The following XKR3 variants were observed in gnomAD, a reference collection of about 807,000 sequenced individuals.
XKR3 encodes the protein XK-related protein 3.
A neutral mutation model predicts 40.3 loss-of-function variants in XKR3; 27 were observed. The ratio of observed to expected loss-of-function variants is 0.67; its 90% CI spans 0.49 to 0.92. The LOEUF (loss-of-function observed/expected upper bound fraction) is 0.92. Among genes scored for constraint, XKR3 ranks in the 40% least tolerant of loss-of-function variants. The pLI, the probability that XKR3 is intolerant of heterozygous loss-of-function variation, is 0.00. For missense variants in XKR3, 472 were observed against 537.6 expected (o/e 0.88, Z 1.21); for synonymous variants, 193 against 195.4 (o/e 0.99, Z 0.10).
chr22:16,798,585 A>G (rs140862827), intron 3 of XKR3, among the ~76,000 whole-genome samples: 54 of 152,326 alleles, frequency 3.5e-4, no homozygotes, highest in African/African-American at 1.2e-3. Context: ...GTGCCCATCA[A>G]TGGTACACTG....
At chr22:16,792,057 T>C (rs2060122312) in intron 3 of XKR3, among the ~76,000 whole-genome samples, 1 of 152,106 alleles carries the variant, frequency 6.6e-6, no homozygotes, top group South Asian at 2.1e-4. Context: ...TTCTCTTGCC[T>C]CAGCCTACCG....
intron 1 of XKR3, among the ~76,000 whole-genome samples, chr22:16,811,893 C>CA (rs1287864308): frequency 6.6e-6 from 1 of 152,004 alleles, no homozygotes; most frequent in Non-Finnish European, 1.5e-5. Context: ...CCTGTAGTTC[C>CA]AACTACTCAG....
At chr22:16,810,595 C>T (rs1273397850) in intron 1 of XKR3, among the ~76,000 whole-genome samples, 1 of 152,026 alleles carries the variant, frequency 6.6e-6, no homozygotes, top group Non-Finnish European at 1.5e-5. Flanking sequence ...GTAAAAGTAA[C>T]CATTTTAAAG....
At chr22:16,804,597 C>T (rs1267527611) in intron 2 of XKR3, among the ~76,000 whole-genome samples, 6 of 152,162 alleles carry the variant, frequency 3.9e-5, no homozygotes, top group Non-Finnish European at 7.4e-5. Flanking sequence ...CATGTATTCT[C>T]TAAGGGCAGA....
rs190106098 is a variant in XKR3, at chr22:16,806,870, T to A, written c.335+869A>T. ...ATCCTAAAAAATATAAAAACTTCAA[T>A]AAAGAAAACACACCAAAAAAAACCA... On this transcript the variant is annotated intron_variant, in intron 2 of 3. Transcript: ENST00000684488. Among the ~76,000 whole-genome samples, 49 of 152,210 alleles carry A rather than the reference T, an allele frequency of 3.2e-4. No individual in the cohort carries two copies. The Middle Eastern group carries it at 0.01, about 32-fold the overall frequency.
intron 1 of XKR3, among the ~76,000 whole-genome samples, chr22:16,813,790 C>A (rs146570088): frequency 5.3e-5 from 8 of 152,318 alleles, no homozygotes; most frequent in Admixed American, 1.3e-4. Context: ...TTCCCACTAG[C>A]AATTGGATGA....
intron 1 of XKR3, among the ~76,000 whole-genome samples, chr22:16,810,021 G>T (rs1237420045): frequency 6.6e-6 from 1 of 152,188 alleles, no homozygotes; most frequent in African/African-American, 2.4e-5. Context: ...CAAACTGCTG[G>T]CATTGGAGGT....
intron 1 of XKR3, among the ~76,000 whole-genome samples, chr22:16,810,424 C>G (rs1034469281): frequency 6.6e-6 from 1 of 152,158 alleles, no homozygotes; most frequent in African/African-American, 2.4e-5. Flanking sequence ...GCATGTTTTA[C>G]TTTTAAGACA....
At chr22:16,807,580 T>C (rs1419330081) in intron 2 of XKR3, among the ~76,000 whole-genome samples, 159 bp downstream of exon 2, 1 of 152,150 alleles carries the variant, frequency 6.6e-6, no homozygotes, top group Non-Finnish European at 1.5e-5. Context: ...GACAATTAAA[T>C]AGGAACAGTT....
chr22:16,808,066 G>A lies in XKR3; in HGVS notation c.8C>T (p.Thr3Ile). Residue 3 changes from threonine to isoleucine, a missense_variant, in exon 2 of 4, where the codon ACA (threonine) becomes ATA (isoleucine). Thr to Ile is a moderately conservative substitution (Grantham distance 89). Coordinates refer to ENST00000684488, the MANE Select transcript of XKR3 (RefSeq NM_001386955.1). Reference protein sequence around the residue: METVFEEMDEEST... With the variant: MEIVFEEMDEEST... Reference sequence around the variant, plus strand: ...TTCTTCATCCATCTCTTCAAACACTGTCTCCATTCTCAGGGTGCTGCTAAT... The same window carrying A: ...TTCTTCATCCATCTCTTCAAACACTATCTCCATTCTCAGGGTGCTGCTAAT... 6.3e-7 allele frequency: 1 copy of A among 1,597,104 alleles called. No homozygotes were observed. Among genetic ancestry groups the A allele is most frequent in the Non-Finnish European group, 8.5e-7 (1 of 1,172,390 alleles).
chr22:16,795,544 A>G (rs924397147), intron 3 of XKR3, among the ~76,000 whole-genome samples: 141 of 152,308 alleles, frequency 9.3e-4, no homozygotes, highest in Middle Eastern at 3.4e-3. Flanking sequence ...GAAAATAACT[A>G]AAGCTAGAGA....
intron 2 of XKR3, among the ~76,000 whole-genome samples, chr22:16,806,594 C>T (rs113820161): frequency 1.2e-4 from 18 of 151,044 alleles, no homozygotes; most frequent in African/African-American, 3.9e-4. Flanking sequence ...TGCACCAACA[C>T]GCCCGGCTAT....
chr22:16,799,240 G>A (rs2060155842), intron 3 of XKR3, among the ~76,000 whole-genome samples: 1 of 150,944 alleles, frequency 6.6e-6, no homozygotes, highest in Non-Finnish European at 1.5e-5. Context: ...AGTGAAACCC[G>A]ATCTCTACTA....
intron 3 of XKR3, among the ~76,000 whole-genome samples, chr22:16,790,339 G>T (rs1475720474): frequency 2.4e-5 from 1 of 42,396 alleles, no homozygotes; most frequent in Non-Finnish European, 4.1e-5. Context: ...AAGCTTCCAC[G>T]CAGAAAAAAA....
At chr22:16,808,329 G>T (rs533733619) in intron 1 of XKR3, among the ~76,000 whole-genome samples, 1 of 152,098 alleles carries the variant, frequency 6.6e-6, no homozygotes, top group Non-Finnish European at 1.5e-5. Context: ...CTTCTATAAG[G>T]CATCAACTAC....
intron 3 of XKR3, among the ~76,000 whole-genome samples, chr22:16,786,039 C>G (rs1403983849): frequency 6.6e-6 from 1 of 152,050 alleles, no homozygotes; most frequent in Non-Finnish European, 1.5e-5. Flanking sequence ...CAAAGTGAAA[C>G]TCTAAAACAT....
At position 16,784,063 on chromosome 22, in the gene XKR3, C is replaced by A. The variant is rs1228971626; in HGVS notation, c.936G>T (p.Leu312=). ...GTVLMLFLIT[L]LYAAINFSCW... is the part of the protein sequence containing the mutation. ...AGGAGAAGTTGATGGCAGCATATAGCAGTGTGATCAAGAAAAGCATCAGTA... is the reference window on the plus strand; with the variant it reads ...AGGAGAAGTTGATGGCAGCATATAGAAGTGTGATCAAGAAAAGCATCAGTA... The change falls in exon 4 of 4, where the codon CTG becomes CTT. Residue 312 remains leucine, a synonymous_variant. Transcript: ENST00000684488. The A allele has an allele frequency of 1.2e-6, 2 of 1,614,054 alleles. No individual in the cohort carries two copies. Among genetic ancestry groups the A allele is most frequent in the African/African-American group, 2.7e-5 (2 of 74,918 alleles).
chr22:16,814,496 A>T (rs866756158), intron 1 of XKR3, among the ~76,000 whole-genome samples: 1 of 152,156 alleles, frequency 6.6e-6, no homozygotes, highest in Non-Finnish European at 1.5e-5. Flanking sequence ...GAATTGCCAT[A>T]GCTATTTTTA....
intron 3 of XKR3, among the ~76,000 whole-genome samples, chr22:16,796,810 T>A (rs1410709007): frequency 1.2e-4 from 19 of 152,192 alleles, no homozygotes; most frequent in Admixed American, 1.0e-3. Context: ...TTAGAAAAAA[T>A]TCTATTCTAA....
Sources: allele counts gnomAD v4.1 joint callset (sites outside exome capture counted in the v4.1 genomes callset), GRCh38; gene constraint gnomAD v4.1.1; transcripts MANE v1.5; gene names NCBI Gene and HGNC (gene_info 2026-07-23, HGNC 2026-07-21).